NUP98: variants seen among roughly 807,000 people sequenced by gnomAD.
NUP98 encodes the protein nucleoporin 98 and 96 precursor, also known as nuclear pore complex protein Nup98-Nup96.
In NUP98, 26 loss-of-function variants were observed where a neutral mutation model predicts 191.9. The observed-to-expected ratio is 0.14, with a 90% CI of 0.10 to 0.19. The LOEUF is 0.19. Ranked by LOEUF, NUP98 falls within the 10% of genes least tolerant of loss-of-function variation. The probability of loss-of-function intolerance (pLI) is 1.00; values close to 1 mark genes in which losing one functional copy is unlikely to be tolerated. For missense variants in NUP98, 1,941 were observed against 2,178.8 expected (o/e 0.89, Z 2.17); for synonymous variants, 808 against 778.4 (o/e 1.04, Z -0.63).
At position 3,699,097 on chromosome 11, in the gene NUP98, G is replaced by C. The variant is rs2078600563; in HGVS notation, c.3994C>G (p.Leu1332Val). 1 of 1,612,556 alleles carries C rather than the reference G, an allele frequency of 6.2e-7. No homozygotes were observed. The highest frequency in any genetic ancestry group is 8.5e-7 in the Non-Finnish European group (1 of 1,179,990). Residue 1332 changes from leucine to valine, a missense_variant, in exon 25 of 33, where the codon CTG becomes GTG. Physicochemically the swap from Leu to Val is conservative, Grantham distance 32. Transcript: ENST00000324932. Reference sequence around the variant, plus strand: ...CCTTCCCCACCTGACTGCTGGGCCAGAGAGCAGGCCTCACTGATCCTTTTG... The same window carrying C: ...CCTTCCCCACCTGACTGCTGGGCCACAGAGCAGGCCTCACTGATCCTTTTG... The part of the protein sequence containing the change: ...TGKRISEACS[L>V]AQQSGDHRLA...
intron 26 of NUP98, among the ~76,000 whole-genome samples, chr11:3,694,915 A>G (rs944751977): frequency 1.3e-5 from 2 of 151,440 alleles, no homozygotes; most frequent in Non-Finnish European, 2.9e-5. Flanking sequence ...AACAAAATAT[A>G]AATAAAAAAA....
intron 11 of NUP98, among the ~76,000 whole-genome samples, chr11:3,746,402 G>C (rs565134928): frequency 1.2e-4 from 18 of 150,512 alleles, no homozygotes; most frequent in African/African-American, 4.4e-4. Flanking sequence ...AAAGGAAATA[G>C]TTTACAGCAC....
At chr11:3,694,611 G>C (rs373160483) in intron 26 of NUP98, among the ~76,000 whole-genome samples, 1 of 151,966 alleles carries the variant, frequency 6.6e-6, no homozygotes, top group Non-Finnish European at 1.5e-5. Flanking sequence ...GTGGTGGCAG[G>C]TGCCTGTAGT....
At chr11:3,768,995 A>G (rs1259400833) in intron 7 of NUP98, among the ~76,000 whole-genome samples, 2 of 152,206 alleles carry the variant, frequency 1.3e-5, no homozygotes, top group Non-Finnish European at 2.9e-5. Context: ...GTAAGTCCAC[A>G]GCTTCCTTCT....
At chr11:3,758,523 G>A (rs548214079) in intron 10 of NUP98, among the ~76,000 whole-genome samples, 1 of 152,088 alleles carries the variant, frequency 6.6e-6, no homozygotes, top group Non-Finnish European at 1.5e-5. Context: ...AGTGGCTCAC[G>A]CCTGTAATCC....
chr11:3,706,892 T>C (rs1047931453), intron 20 of NUP98, among the ~76,000 whole-genome samples: 1 of 152,206 alleles, frequency 6.6e-6, no homozygotes, highest in African/African-American at 2.4e-5. Flanking sequence ...CCAGCACCCA[T>C]GGTGAAACAA....
At chr11:3,746,932 T>G (rs1013475516) in intron 11 of NUP98, among the ~76,000 whole-genome samples, 1 of 147,152 alleles carries the variant, frequency 6.8e-6, no homozygotes, top group African/African-American at 2.6e-5. Context: ...AAAAAAAAAG[T>G]ACTGTGAGGT....
chr11:3,713,214 C>T (rs1287825597), intron 19 of NUP98, among the ~76,000 whole-genome samples: 2 of 152,124 alleles, frequency 1.3e-5, no homozygotes, highest in African/African-American at 4.8e-5. Context: ...TAGACACCTG[C>T]CTGATGAATT....
Position 3,693,265 on chromosome 11 carries a change from A to G in NUP98, c.4278T>C (p.Ser1426=). The G allele has an allele frequency of 6.2e-7, 1 of 1,614,190 alleles. No individual in the cohort carries two copies. Among genetic ancestry groups the G allele is most frequent in the Non-Finnish European group, 8.5e-7 (1 of 1,180,022 alleles). Reference sequence around the variant, plus strand: ...CTTCTTCATACATGCTGAGCGCCCTAGAAATGGAGGCTGTTGGTGGAAGCA... The same window carrying G: ...CTTCTTCATACATGCTGAGCGCCCTGGAAATGGAGGCTGTTGGTGGAAGCA... The part of the protein sequence containing the change: ...WYLLPPTASI[S]RALSMYEEAF... Residue 1426 remains serine (S), a synonymous_variant, in exon 27 of 33, where the codon TCT becomes TCC. Transcript: ENST00000324932.
chr11:3,707,120 CTT>C (rs1229566139), intron 20 of NUP98, among the ~76,000 whole-genome samples: 1 of 152,166 alleles, frequency 6.6e-6, no homozygotes, highest in African/African-American at 2.4e-5. Context: ...TGGAATTTAA[CTT>C]TTGGGTTACT....
intron 28 of NUP98, among the ~76,000 whole-genome samples, chr11:3,688,795 A>C (rs897949981): frequency 5.8e-5 from 8 of 138,018 alleles, no homozygotes; most frequent in African/African-American, 1.6e-4. Flanking sequence ...ACTGTCTCGA[A>C]AATATATATA....
At chr11:3,744,085 TC>T in intron 12 of NUP98, among the ~76,000 whole-genome samples, 1 of 152,144 alleles carries the variant, frequency 6.6e-6, no homozygotes, top group South Asian at 2.1e-4. Context: ...GAAAAACACT[TC>T]AATAGATAAA....
intron 28 of NUP98, among the ~76,000 whole-genome samples, chr11:3,687,451 A>G (rs1219786452): frequency 6.6e-6 from 1 of 152,168 alleles, no homozygotes; most frequent in Non-Finnish European, 1.5e-5. Flanking sequence ...CACCTAAGAA[A>G]TCTTCTGCCT....
At chr11:3,789,491 T>G (rs1263120327) in intron 1 of NUP98, among the ~76,000 whole-genome samples, 2 of 151,566 alleles carry the variant, frequency 1.3e-5, no homozygotes, top group Non-Finnish European at 2.9e-5. Flanking sequence ...ACAAATTCAT[T>G]TACCTATTTC....
chr11:3,750,574 C>T (rs1256023374), intron 11 of NUP98, among the ~76,000 whole-genome samples: 1 of 152,122 alleles, frequency 6.6e-6, no homozygotes, highest in Admixed American at 6.5e-5. Flanking sequence ...AACACAAACA[C>T]AACTGAGACA....
intron 11 of NUP98, among the ~76,000 whole-genome samples, chr11:3,744,898 G>A (rs1054642063): frequency 5.3e-5 from 8 of 152,120 alleles, no homozygotes; most frequent in Non-Finnish European, 8.8e-5. Context: ...GTAACACATA[G>A]CTTAGATAGT....
chr11:3,678,238 T>TAATCTGTACTACTG (rs2077879417), intron 31 of NUP98, among the ~76,000 whole-genome samples: 1 of 152,098 alleles, frequency 6.6e-6, no homozygotes. Flanking sequence ...ATATGAACTA[T>TAATCTGTACTACTG]AATCTGTACT....
chr11:3,746,947 G>A (rs1388507604), intron 11 of NUP98, among the ~76,000 whole-genome samples: 3 of 151,656 alleles, frequency 2.0e-5, no homozygotes, highest in African/African-American at 7.3e-5. Context: ...TGAGGTTTGA[G>A]TTGTCTGTAA....
intron 14 of NUP98, among the ~76,000 whole-genome samples, chr11:3,725,932 C>G (rs1490360484): frequency 6.6e-6 from 1 of 152,180 alleles, no homozygotes; most frequent in Non-Finnish European, 1.5e-5. Flanking sequence ...GCTATTCTCC[C>G]ACCTCAGCTT....
Sources: gnomAD v4.1 joint callset for allele counts (sites outside exome capture counted in the v4.1 genomes callset) on GRCh38, gnomAD v4.1.1 for gene constraint, MANE v1.5 for transcripts, NCBI Gene and HGNC (gene_info 2026-07-23, HGNC 2026-07-21) for gene names.